Variants in PDK1 observed in about 807,000 individuals in gnomAD.
PDK1 encodes pyruvate dehydrogenase kinase 1, also known as [Pyruvate dehydrogenase (acetyl-transferring)] kinase isozyme 1, mitochondrial.
In PDK1, 39 loss-of-function variants were observed where a neutral mutation model predicts 54.2. That is an observed-to-expected ratio of 0.72 (90% confidence interval 0.56 to 0.94). The LOEUF (loss-of-function observed/expected upper bound fraction) is 0.94. PDK1 is among the 40% of genes least tolerant of loss of function. The pLI, the probability that PDK1 is intolerant of heterozygous loss-of-function variation, is 0.00. For synonymous variants in PDK1, 221 were observed against 207.1 expected (o/e 1.07, Z -0.58); for missense variants, 552 against 566.0 (o/e 0.98, Z 0.25).
At chr2:172,589,579 A>T (rs997841712) in intron 9 of PDK1, among the ~76,000 whole-genome samples, 8 of 152,210 alleles carry the variant, frequency 5.3e-5, no homozygotes, top group Non-Finnish European at 7.3e-5. Flanking sequence ...GAATCCAGTG[A>T]CAATCCAGGT....
At chr2:172,583,830 T>TCCCC (rs1690061183) in intron 8 of PDK1, among the ~76,000 whole-genome samples, 1 of 152,096 alleles carries the variant, frequency 6.6e-6, no homozygotes, top group African/African-American at 2.4e-5. Context: ...TACATATTAT[T>TCCCC]CAGTACTATT....
the PDK1 span, among the ~76,000 whole-genome samples, chr2:172,671,607 T>C: frequency 6.6e-6 from 1 of 151,904 alleles, no homozygotes; most frequent in Non-Finnish European, 1.5e-5. Context: ...TGTAAATTAC[T>C]GTCTAAATGA....
chr2:172,682,512 C>G, the PDK1 span, among the ~76,000 whole-genome samples: 22 of 152,298 alleles, frequency 1.4e-4, 1 homozygote, highest in East Asian at 3.3e-3. Context: ...GGAGAGTTGT[C>G]AGTGGAAGCA....
At chr2:172,723,797 T>C in the PDK1 span, 1 of 152,210 alleles carries the variant, frequency 6.6e-6, no homozygotes, top group Non-Finnish European at 1.5e-5. Context: ...ACTTAGAGCA[T>C]GGTATCAAAA....
the PDK1 span, among the ~76,000 whole-genome samples, chr2:172,713,409 ACTGTTC>A: frequency 6.6e-6 from 1 of 152,100 alleles, no homozygotes; most frequent in Non-Finnish European, 1.5e-5. Context: ...GCCCCCTGCC[ACTGTTC>A]ATGGTGCCCA....
At chr2:172,556,058 G>T (rs1017190764), upstream of PDK1, 7 of 982,284 alleles carry the variant, frequency 7.1e-6, 1 homozygote, top group African/African-American at 5.2e-5. Flanking sequence ...GCCGATCCCC[G>T]CCCCTGCTGC....
At chr2:172,578,555 T>G (rs1257328743) in intron 8 of PDK1, among the ~76,000 whole-genome samples, 1 of 152,206 alleles carries the variant, frequency 6.6e-6, no homozygotes, top group Non-Finnish European at 1.5e-5. Context: ...GAGTGTGAGT[T>G]TACTGACTCA....
chr2:172,694,643 C>T, the PDK1 span, among the ~76,000 whole-genome samples: 198 of 152,246 alleles, frequency 1.3e-3, 1 homozygote, highest in African/African-American at 4.6e-3. Context: ...GTCATCTTGT[C>T]CAGGGTTGAT....
At chr2:172,699,478 CTTTT>C in the PDK1 span, among the ~76,000 whole-genome samples, 3 of 130,232 alleles carry the variant, frequency 2.3e-5, no homozygotes, top group Non-Finnish European at 3.2e-5. Context: ...CCTCATCTGA[CTTTT>C]TTTTTTTTTT....
chr2:172,625,033 T>A, the PDK1 span, among the ~76,000 whole-genome samples: 5 of 150,764 alleles, frequency 3.3e-5, no homozygotes, highest in Admixed American at 6.6e-5. Flanking sequence ...AAAAGCCTGA[T>A]AATGTCTTTT....
intron 10 of PDK1, among the ~76,000 whole-genome samples, chr2:172,595,133 A>G (rs1342686662): frequency 5.3e-5 from 8 of 152,194 alleles, no homozygotes; most frequent in Admixed American, 3.9e-4. Context: ...CAGTGGTACA[A>G]TCATAATTCA....
intron 9 of PDK1, among the ~76,000 whole-genome samples, chr2:172,589,639 GCAAA>G (rs1396648176): frequency 6.6e-6 from 1 of 152,190 alleles, no homozygotes; most frequent in Non-Finnish European, 1.5e-5. Context: ...ATTTGTACGG[GCAAA>G]CAGAGACTCT....
chr2:172,556,598 GACCTCCC>G (rs1186941558), intron 1 of PDK1: 1 of 355,990 alleles, frequency 2.8e-6, no homozygotes, highest in Non-Finnish European at 5.0e-6. Context: ...GCCGCGGGAC[GACCTCCC>G]GCCTCCCGGC....
At chr2:172,634,400 G>A in the PDK1 span, among the ~76,000 whole-genome samples, 4 of 151,030 alleles carry the variant, frequency 2.6e-5, no homozygotes, top group African/African-American at 9.7e-5. Flanking sequence ...AGCCTCCTGA[G>A]CAGCTGGGAT....
the PDK1 span, among the ~76,000 whole-genome samples, chr2:172,635,004 A>C: frequency 2.0e-5 from 3 of 152,094 alleles, no homozygotes; most frequent in Non-Finnish European, 4.4e-5. Context: ...TCCCCCTCAA[A>C]TCAAGCACAA....
At chr2:172,566,370 C>T (rs1352009118) in intron 5 of PDK1, among the ~76,000 whole-genome samples, 6 of 152,124 alleles carry the variant, frequency 3.9e-5, no homozygotes, top group African/African-American at 1.4e-4. Context: ...GCCTGGCCAA[C>T]ATGGTGAAAC....
intron 10 of PDK1, among the ~76,000 whole-genome samples, chr2:172,594,862 T>C (rs17702263): frequency 0.16 from 24,812 of 152,092 alleles, 2,347 homozygotes; most frequent in African/African-American, 0.24. Context: ...CAGTGACTTA[T>C]AGGAAGCTGA....
At chr2:172,585,224 C>T (rs944568102) in intron 8 of PDK1, among the ~76,000 whole-genome samples, 5 of 151,844 alleles carry the variant, frequency 3.3e-5, no homozygotes, top group Non-Finnish European at 5.9e-5. Context: ...ATCTCAAACT[C>T]CTGGCTTCAA....
the PDK1 span, among the ~76,000 whole-genome samples, chr2:172,622,778 ATC>A: frequency 6.8e-5 from 10 of 148,064 alleles, no homozygotes; most frequent in African/African-American, 2.0e-4. Flanking sequence ...AGATGTTTAT[ATC>A]TCATATGTGA....
Sources: allele counts gnomAD v4.1 joint callset (sites outside exome capture counted in the v4.1 genomes callset), GRCh38; gene constraint gnomAD v4.1.1; transcripts MANE v1.5; gene names NCBI Gene and HGNC (gene_info 2026-07-23, HGNC 2026-07-21).